The following LONRF3 variants were observed in gnomAD, a reference collection of about 807,000 sequenced individuals.
LONRF3 encodes the protein LON peptidase N-terminal domain and RING finger protein 3.
In LONRF3, 19 loss-of-function variants were observed where a neutral mutation model predicts 51.7. The ratio of observed to expected loss-of-function variants is 0.37; its 90% CI spans 0.26 to 0.54. The LOEUF is 0.54. LONRF3 is among the 20% of genes least tolerant of loss of function. LONRF3 has a pLI of 0.86. For synonymous variants in LONRF3, 265 were observed against 257.8 expected, an observed-to-expected ratio of 1.03 and a Z score of -0.27; for missense variants, 521 against 623.9, an observed-to-expected ratio of 0.84 and a Z score of 1.76.
At chrX:119,000,016 T>G (rs1269493787) in intron 5 of LONRF3, among the ~76,000 whole-genome samples, 1 of 112,345 alleles carries the variant, frequency 8.9e-6, no homozygotes, top group Non-Finnish European at 1.9e-5. Context: ...ACATTGGATG[T>G]TGACAGAGGC....
chrX:119,015,476 C>A (rs2168377), intron 10 of LONRF3, among the ~76,000 whole-genome samples: 1,669 of 111,799 alleles, frequency 0.015, 24 homozygotes, highest in African/African-American at 0.052. Flanking sequence ...CTTCTTTCCC[C>A]CCCCATGCAA....
intron 2 of LONRF3, 61 bp downstream of exon 2, chrX:118,978,524 G>GCA: frequency 1.3e-6 from 1 of 762,343 alleles, no homozygotes. Flanking sequence ...TGGCAGGAAG[G>GCA]GCTGCCTCCC....
At chrX:119,015,426 C>T (rs1465312744) in intron 10 of LONRF3, among the ~76,000 whole-genome samples, 1 of 111,678 alleles carries the variant, frequency 9.0e-6, no homozygotes, top group African/African-American at 3.3e-5. Flanking sequence ...AGTCTGTTCC[C>T]TAAATGAAAT....
At chrX:119,000,183 G>C (rs1310807587) in intron 5 of LONRF3, among the ~76,000 whole-genome samples, 1 of 111,814 alleles carries the variant, frequency 8.9e-6, no homozygotes, top group Non-Finnish European at 1.9e-5. Flanking sequence ...TGAGAGTAAA[G>C]AAAGTGTCTG....
At chrX:119,004,075 A>G (rs1314488995) in intron 5 of LONRF3, among the ~76,000 whole-genome samples, 2 of 110,853 alleles carry the variant, frequency 1.8e-5, no homozygotes, top group African/African-American at 6.7e-5. Flanking sequence ...TCACCATCAT[A>G]TCATTTGTGA....
intron 6 of LONRF3, among the ~76,000 whole-genome samples, chrX:119,008,076 G>A (rs1327572632): frequency 9.0e-6 from 1 of 111,730 alleles, no homozygotes; most frequent in Non-Finnish European, 1.9e-5. Context: ...CCCATAGCCA[G>A]GCAATGGCAG....
intron 5 of LONRF3, among the ~76,000 whole-genome samples, chrX:118,992,256 A>G (rs779733111): frequency 6.3e-4 from 70 of 111,357 alleles, no homozygotes; most frequent in African/African-American, 2.2e-3. Flanking sequence ...ATACTCTGGG[A>G]GGCAAATAGC....
intron 3 of LONRF3, among the ~76,000 whole-genome samples, chrX:118,984,642 TCA>T (rs1425107896): frequency 1.8e-5 from 2 of 112,243 alleles, no homozygotes; most frequent in Admixed American, 1.9e-4. Flanking sequence ...GAGGCATAAG[TCA>T]CAGTTTTAGT....
Position 119,017,823 on chromosome X carries a change from C to A in LONRF3, c.*133C>A. 1 of 578,628 alleles carries A rather than the reference C, an allele frequency of 1.7e-6. No individual in the cohort carries two copies. The highest frequency in any genetic ancestry group is 2.5e-6 in the Non-Finnish European group (1 of 392,686). The allele number at this position is 578,628 out of a possible 1,213,427, so 47.7% of individuals were successfully genotyped here. A position where few individuals can be genotyped will look rare whatever the true frequency, so the allele number is the denominator to read the frequency against. On this transcript the variant is annotated 3_prime_UTR_variant, in exon 11 of 11. Coordinates refer to ENST00000371628, the MANE Select transcript of LONRF3 (RefSeq NM_001031855.3). The stretch of plus-strand genomic sequence containing the variant: ...ACAGAGGCATCAGCCTGCTGTTGAT[C>A]ACAGAGAGAAATTGAGTAGAAAGAC...
At position 119,017,759 on chromosome X, in the gene LONRF3, A is replaced by C; in HGVS notation, c.*69A>C. ...TCGGGGGGAGTCTTCTTGTAAATAT[A>C]TCTAATTGCAATAATATCTTAACAG... On this transcript the variant is annotated 3_prime_UTR_variant, in exon 11 of 11. Transcript: ENST00000371628. 1.0e-6 allele frequency: 1 copy of C among 977,451 alleles called. No individual in the cohort carries two copies. Among genetic ancestry groups the C allele is most frequent in the Non-Finnish European group, 1.4e-6 (1 of 723,629 alleles). 80.6% of individuals were successfully genotyped at this position (977,451 alleles called of 1,213,427 possible).
intron 2 of LONRF3, among the ~76,000 whole-genome samples, chrX:118,979,821 G>C (rs1449713016): frequency 2.7e-5 from 3 of 111,369 alleles, no homozygotes; most frequent in Non-Finnish European, 3.8e-5. Flanking sequence ...GGTCACATGG[G>C]GGGTGAGAAG....
Position 118,982,865 on chromosome X carries a change from G to A in LONRF3, c.981G>A (p.Val327=), listed in dbSNP as rs1603247226. The change falls in exon 3 of 11, where the codon GTG becomes GTA. Residue 327 remains valine (V), a synonymous_variant. Coordinates refer to ENST00000371628, the MANE Select transcript of LONRF3 (RefSeq NM_001031855.3). Reference sequence around the variant, plus strand: ...AAGCCTTAGCCACCCTAGGCAAGGTGGAGGAGGCACTAAGGGAGTTTCTCT... The same window carrying A: ...AAGCCTTAGCCACCCTAGGCAAGGTAGAGGAGGCACTAAGGGAGTTTCTCT... The part of the protein sequence containing the change: ...KAQALATLGK[V]EEALREFLYC... 1 of 1,210,994 alleles carries A rather than the reference G, an allele frequency of 8.3e-7. No individual in the cohort carries two copies. The highest frequency in any genetic ancestry group is 1.1e-6 in the Non-Finnish European group (1 of 894,726).
chrX:118,982,061 G>A (rs948071439), intron 2 of LONRF3, among the ~76,000 whole-genome samples: 3 of 111,700 alleles, frequency 2.7e-5, no homozygotes, highest in Non-Finnish European at 5.7e-5. Flanking sequence ...TCTTCCCCAG[G>A]ATGTTCCTCT....
Position 119,006,242 on chromosome X carries a change from C to G in LONRF3, c.1530+7C>G, listed in dbSNP as rs1262011616. 5 of 1,082,590 alleles carry G rather than the reference C, an allele frequency of 4.6e-6. No individual in the cohort carries two copies. The South Asian group carries it at 1.0e-4, about 22-fold the overall frequency. The allele number at this position is 1,082,590 out of a possible 1,213,427, so 89.2% of individuals were successfully genotyped here. A position where few individuals can be genotyped will look rare whatever the true frequency, so the allele number is the denominator to read the frequency against. On this transcript the variant is annotated splice_region_variant and intron_variant, in intron 6 of 10. Coordinates refer to ENST00000371628, the MANE Select transcript of LONRF3 (RefSeq NM_001031855.3). Reference sequence around the variant, plus strand: ...CAAAGACGGTCTTTCACAGGTAAATCAATATTTCTTTCTTGTTTGGTTTAA... The same window carrying G: ...CAAAGACGGTCTTTCACAGGTAAATGAATATTTCTTTCTTGTTTGGTTTAA...
intron 5 of LONRF3, among the ~76,000 whole-genome samples, chrX:118,993,750 A>G (rs1960615578): frequency 8.9e-6 from 1 of 111,893 alleles, no homozygotes; most frequent in Non-Finnish European, 1.9e-5. Flanking sequence ...GTTAAGATGA[A>G]GGAAAGAGTC....
At position 118,984,385 on chromosome X, in the gene LONRF3, G is replaced by A. The variant is rs187109565; in HGVS notation, c.1059+1442G>A. Among the ~76,000 whole-genome samples the A allele has an allele frequency of 3.4e-3, 379 of 112,506 alleles. 2 individuals are homozygous for A. The highest frequency in any genetic ancestry group is 6.0e-3 in the Non-Finnish European group (322 of 53,328). On this transcript the variant is annotated intron_variant, in intron 3 of 10. Coordinates refer to ENST00000371628, the MANE Select transcript of LONRF3 (RefSeq NM_001031855.3). ...ACTTTCCAGTTCCAGGATGAACAAA[G>A]GCAGTTAGAAGAAACTTATCTTTGG...
intron 1 of LONRF3, chrX:118,976,277 G>A (rs1373977363): frequency 1.8e-5 from 2 of 113,987 alleles, no homozygotes; most frequent in Non-Finnish European, 3.7e-5. Flanking sequence ...GAGCGGGCGG[G>A]ATTGTGTAAC....
chrX:118,982,476 G>A (rs1429038992), intron 2 of LONRF3, among the ~76,000 whole-genome samples: 1 of 111,504 alleles, frequency 9.0e-6, no homozygotes, highest in Non-Finnish European at 1.9e-5. Flanking sequence ...GTCAAATGGG[G>A]GTTCTTGCTA....
In LONRF3 at chrX:119,009,262, A is replaced by G. The variant is rs1430166826; in HGVS notation, c.1652+15A>G. 2.5e-6 allele frequency: 3 copies of G among 1,193,095 alleles called. No homozygotes were observed. In the Admixed American group the frequency reaches 6.8e-5, roughly 27 times the overall value. On this transcript the variant is annotated intron_variant, in intron 7 of 10. Transcript: ENST00000371628. ...GAACTTTCTAAGTATGTATATGCAT[A>G]TTTCTGTTTTGTTTCACTCATACCA...
Sources: allele counts gnomAD v4.1 joint callset (sites outside exome capture counted in the v4.1 genomes callset), GRCh38; gene constraint gnomAD v4.1.1; transcripts MANE v1.5; gene names NCBI Gene and HGNC (gene_info 2026-07-23, HGNC 2026-07-21).